The following MAP3K2 variants were observed in gnomAD, a reference collection of about 807,000 sequenced individuals.
MAP3K2 encodes the protein mitogen-activated protein kinase kinase kinase 2, also known as MAP/ERK kinase kinase 2.
MAP3K2 carries 24 observed loss-of-function variants against 80.3 expected under a neutral mutation model. The observed-to-expected ratio is 0.30, with a 90% CI of 0.22 to 0.42. MAP3K2 has a LOEUF of 0.42. MAP3K2 is among the 10% of genes least tolerant of loss of function. The probability of loss-of-function intolerance (pLI) is 1.00; values close to 1 mark genes in which losing one functional copy is unlikely to be tolerated. For synonymous variants in MAP3K2, 244 were observed against 253.7 expected (o/e 0.96, Z 0.36); for missense variants, 608 against 750.1 (o/e 0.81, Z 2.21).
chr2:127,373,149 T>C (rs1687094166), intron 1 of MAP3K2, among the ~76,000 whole-genome samples: 2 of 152,224 alleles, frequency 1.3e-5, no homozygotes, highest in Admixed American at 1.3e-4. Flanking sequence ...AGTCCTACCA[T>C]GTGTCAGTAT....
chr2:127,346,316 T>C (rs1226935747), intron 1 of MAP3K2, among the ~76,000 whole-genome samples: 1 of 133,662 alleles, frequency 7.5e-6, no homozygotes, highest in Admixed American at 7.6e-5. Flanking sequence ...CTATAAAAAG[T>C]AAAAAGACTA....
Position 127,308,738 on chromosome 2 carries a change from G to A in MAP3K2, c.1481C>T (p.Thr494Ile), listed in dbSNP as rs1194450836. ...IKGANILRDS[T>I]GNVKLGDFGA... ...AAAATCTCCTAGTTTGACGTTGCCT[G>A]TTGAATCTCGCAGGATATTTGCGCC... The change falls in exon 16 of 17, where the codon ACA becomes ATA. Residue 494 changes from threonine to isoleucine, a missense_variant. By Grantham distance (89) the Thr-to-Ile change is moderately conservative. This residue lies in a region of MAP3K2 where 88 missense variants were observed against 132.4 expected (regional missense o/e 0.66). Transcript: ENST00000682094. The A allele has an allele frequency of 3.1e-6, 5 of 1,613,692 alleles. No individual in the cohort carries two copies. The highest frequency in any genetic ancestry group is 4.2e-6 in the Non-Finnish European group (5 of 1,179,740).
chr2:127,347,114 A>G (rs1279107516), intron 1 of MAP3K2, among the ~76,000 whole-genome samples: 1 of 152,168 alleles, frequency 6.6e-6, no homozygotes, highest in Non-Finnish European at 1.5e-5. Context: ...AAGAGGACAT[A>G]ATCAAGTTGA....
In MAP3K2 at chr2:127,351,952, C is replaced by T. The variant is rs561975505; in HGVS notation, c.-65-8758G>A. On this transcript the variant is annotated intron_variant, in intron 1 of 16. Coordinates refer to ENST00000682094, the MANE Select transcript of MAP3K2 (RefSeq NM_001371910.2). ...AGCGCAGTGGCACAATCATGGCTCG[C>T]TGCAGCCTTGACCTCTTGGGCTCAA... Among the ~76,000 whole-genome samples the T allele has an allele frequency of 3.7e-4, 56 of 152,028 alleles. 1 individual carries two copies. The highest frequency in any genetic ancestry group is 3.4e-3 in the Middle Eastern group (1 of 294).
At chr2:127,365,264 G>A (rs1297879857) in intron 1 of MAP3K2, among the ~76,000 whole-genome samples, 1 of 151,714 alleles carries the variant, frequency 6.6e-6, no homozygotes, top group African/African-American at 2.4e-5. Flanking sequence ...TTTCACAGAG[G>A]AGGAAGTGGG....
chr2:127,339,551 T>C lies in MAP3K2; in HGVS notation c.5-501A>G, dbSNP rs545987655. Among the ~76,000 whole-genome samples the C allele has an allele frequency of 1.3e-3, 203 of 152,350 alleles. No homozygotes were observed. The highest frequency in any genetic ancestry group is 2.1e-3 in the Non-Finnish European group (142 of 68,014). On this transcript the variant is annotated intron_variant, in intron 2 of 16. Coordinates refer to ENST00000682094, the MANE Select transcript of MAP3K2 (RefSeq NM_001371910.2). This position sits in a 1 kb window ranked among gnomAD's most constrained non-coding sequence, Gnocchi z 4.2. ...GCTTCACCTGTGGATACTGGCCTAC[T>C]GTATTTGGAAATGCTCTTTCAAACT...
intron 1 of MAP3K2, among the ~76,000 whole-genome samples, chr2:127,373,335 G>C (rs1404108363): frequency 6.6e-6 from 1 of 152,180 alleles, no homozygotes; most frequent in African/African-American, 2.4e-5. Context: ...AAAAAGTACA[G>C]ATGTCTTCTC....
intron 14 of MAP3K2, chr2:127,316,749 T>TA (rs1330282890): frequency 1.3e-5 from 2 of 152,184 alleles, no homozygotes; most frequent in South Asian, 2.1e-4. Context: ...GGATGCAACA[T>TA]AAAGTACACA....
chr2:127,361,312 C>CAAAAAA (rs1233881088), intron 1 of MAP3K2, among the ~76,000 whole-genome samples: 2 of 66,050 alleles, frequency 3.0e-5, no homozygotes, highest in African/African-American at 5.4e-5. Flanking sequence ...CACTCTGTCT[C>CAAAAAA]AAAAAAAAAA....
intron 11 of MAP3K2, among the ~76,000 whole-genome samples, chr2:127,323,347 T>A (rs1686064077): frequency 6.8e-6 from 1 of 147,694 alleles, no homozygotes; most frequent in Non-Finnish European, 1.5e-5. Context: ...CAGAACAGAG[T>A]GAGACTCTGT....
intron 5 of MAP3K2, among the ~76,000 whole-genome samples, chr2:127,333,307 C>T (rs1387346083): frequency 6.6e-6 from 1 of 151,378 alleles, no homozygotes; most frequent in African/African-American, 2.4e-5. Context: ...CACACACACC[C>T]CTTATTAAAG....
chr2:127,358,984 G>C (rs1261993225), intron 1 of MAP3K2, among the ~76,000 whole-genome samples: 2 of 152,048 alleles, frequency 1.3e-5, no homozygotes, highest in African/African-American at 4.8e-5. Context: ...CTTCAGAAAA[G>C]GCAAAACTAT....
intron 1 of MAP3K2, among the ~76,000 whole-genome samples, chr2:127,362,041 T>A (rs1686901977): frequency 6.6e-6 from 1 of 152,050 alleles, no homozygotes; most frequent in South Asian, 2.1e-4. Flanking sequence ...GCAAATTGAT[T>A]TTTCTCCTTT....
intron 12 of MAP3K2, among the ~76,000 whole-genome samples, chr2:127,319,284 G>T (rs1302659729): frequency 6.6e-6 from 1 of 150,648 alleles, no homozygotes; most frequent in Non-Finnish European, 1.5e-5. Flanking sequence ...GCTGAGGCTG[G>T]AAACCTTCTG....
chr2:127,352,318 A>T (rs1686705195), intron 1 of MAP3K2, among the ~76,000 whole-genome samples: 1 of 152,144 alleles, frequency 6.6e-6, no homozygotes. Flanking sequence ...TTGTTTAAAT[A>T]CCGGTAGGCT....
At chr2:127,336,460 T>C (rs1168438137) in intron 4 of MAP3K2, among the ~76,000 whole-genome samples, 1 of 152,196 alleles carries the variant, frequency 6.6e-6, no homozygotes, top group Non-Finnish European at 1.5e-5. Context: ...AGATTAAAAT[T>C]CTAGTGTTTT....
intron 1 of MAP3K2, among the ~76,000 whole-genome samples, chr2:127,373,040 G>A (rs1487452294): frequency 6.6e-6 from 1 of 152,188 alleles, no homozygotes; most frequent in Non-Finnish European, 1.5e-5. Context: ...CCTAGCAGAA[G>A]AGGACAGAGA....
chr2:127,368,994 T>C (rs563491679), intron 1 of MAP3K2, among the ~76,000 whole-genome samples: 91 of 152,062 alleles, frequency 6.0e-4, no homozygotes, highest in African/African-American at 2.1e-3. Context: ...GTTGCCCAGG[T>C]TGGAGTGCAG....
In MAP3K2 at chr2:127,337,739, T is replaced by C; in HGVS notation, c.163A>G (p.Arg55Gly). The C allele has an allele frequency of 6.7e-7, 1 of 1,502,294 alleles. No individual in the cohort carries two copies. The highest frequency in any genetic ancestry group is 1.4e-5 in the African/African-American group (1 of 71,980). 93.1% of individuals were successfully genotyped at this position (1,502,294 alleles called of 1,614,324 possible). A position where few individuals can be genotyped will look rare whatever the true frequency, so the allele number is the denominator to read the frequency against. The change falls in exon 4 of 17, where the codon AGA (arginine) becomes GGA (glycine). Residue 55 changes from arginine to glycine, a missense_variant and splice_region_variant. Physicochemically the swap from Arg to Gly is moderately radical, Grantham distance 125. Around this residue, in one of 4 missense-constraint regions of MAP3K2, gnomAD observed 467 missense variants for 521.9 expected, o/e 0.89. Coordinates refer to ENST00000682094, the MANE Select transcript of MAP3K2 (RefSeq NM_001371910.2). ...RVKFEHRGEKRILQFPRPVKL... is the reference protein window; with the variant it reads ...RVKFEHRGEKGILQFPRPVKL... ...AACATGTAATGTTTCCTTCCTTACC[T>C]TTTTTCTCCTCTATGTTCAAATTTG...
Sources: allele counts gnomAD v4.1 joint callset (sites outside exome capture counted in the v4.1 genomes callset), GRCh38; gene constraint gnomAD v4.1.1; regional missense constraint gnomAD v4.1.1; non-coding constraint Gnocchi (gnomAD v3.1); transcripts MANE v1.5; gene names NCBI Gene and HGNC (gene_info 2026-07-23, HGNC 2026-07-21).